FAF1: variants seen among roughly 807,000 people sequenced by gnomAD.
The protein encoded by FAF1 is FAS-associated factor 1.
Under a neutral mutation model 92.5 loss-of-function variants are expected in FAF1, and 25 were observed. That is an observed-to-expected ratio of 0.27 (90% confidence interval 0.20 to 0.38). FAF1 has a LOEUF of 0.38. FAF1 is among the 10% of genes least tolerant of loss of function. FAF1 has a pLI of 1.00. For synonymous variants in FAF1, 234 were observed against 273.2 expected, an observed-to-expected ratio of 0.86 and a Z score of 1.42; for missense variants, 636 against 793.3, an observed-to-expected ratio of 0.80 and a Z score of 2.38.
intron 15 of FAF1, among the ~76,000 whole-genome samples, chr1:50,508,380 C>T (rs1175418436): frequency 6.6e-6 from 1 of 152,170 alleles, no homozygotes; most frequent in Non-Finnish European, 1.5e-5. Context: ...GTGGTATATC[C>T]ATACAATGGA....
rs1483529149 is a variant in FAF1 at position 50,539,748 on chromosome 1, AAAGT to A, written c.1269-24_1269-21del. 3.8e-6 allele frequency: 6 copies of A among 1,596,762 alleles called. No individual in the cohort carries two copies. Among genetic ancestry groups the A allele is most frequent in the South Asian group, 2.2e-5 (2 of 89,192 alleles). On this transcript the variant is annotated intron_variant, in intron 13 of 18. Coordinates refer to ENST00000396153, the MANE Select transcript of FAF1 (RefSeq NM_007051.3). The stretch of plus-strand genomic sequence containing the variant: ...AGAAATCTAAAAGGAGACAAAATAC[AAAGT>A]AAGTTTTGCTTTGTAGTTTAATAGA...
At position 50,831,711 on chromosome 1, in the gene FAF1, G is replaced by T. The variant is rs138531815; in HGVS notation, c.114+26218C>A. Among the ~76,000 whole-genome samples, 486 of 151,686 alleles carry T rather than the reference G, an allele frequency of 3.2e-3. 4 individuals are homozygous for T. The highest frequency in any genetic ancestry group is 0.011 in the African/African-American group (451 of 41,292). On this transcript the variant is annotated intron_variant, in intron 2 of 18. Transcript: ENST00000396153. ...AAAATGTGAGCCTTACTTGGAAACA[G>T]GATCTTTGCAGATGGAATTAAAGTA...
At chr1:50,597,924 G>A (rs915780932) in intron 8 of FAF1, among the ~76,000 whole-genome samples, 3 of 152,160 alleles carry the variant, frequency 2.0e-5, no homozygotes, top group African/African-American at 7.2e-5. Flanking sequence ...AGTGTAGAAT[G>A]GACTTTTAAA....
chr1:50,914,705 C>T (rs1198047769), intron 1 of FAF1, among the ~76,000 whole-genome samples: 1 of 152,138 alleles, frequency 6.6e-6, no homozygotes, highest in African/African-American at 2.4e-5. Flanking sequence ...TTTCTGATCC[C>T]TCCCACATAA....
Position 50,467,080 on chromosome 1 carries a change from T to C in FAF1, c.1869+8384A>G, listed in dbSNP as rs185028024. 2.5e-3 allele frequency among the ~76,000 whole-genome samples: 374 copies of C among 152,254 alleles called. 1 individual carries two copies. The highest frequency in any genetic ancestry group is 8.7e-3 in the African/African-American group (363 of 41,534). On this transcript the variant is annotated intron_variant, in intron 18 of 18. Transcript: ENST00000396153. The stretch of plus-strand genomic sequence containing the variant: ...GCATGAACTGCAGTATGAGGACTGT[T>C]TGTATGAGAGGCTGAAATATTCTTA...
At chr1:50,719,799 T>C (rs554334094) in intron 6 of FAF1, among the ~76,000 whole-genome samples, 1 of 152,312 alleles carries the variant, frequency 6.6e-6, no homozygotes, top group African/African-American at 2.4e-5. Context: ...CCCGCAGTTC[T>C]TTTTCAAAAT....
chr1:50,780,698 T>G (rs1425682092), intron 4 of FAF1: 1 of 272,384 alleles, frequency 3.7e-6, no homozygotes, highest in Non-Finnish European at 7.4e-6. Context: ...TGCTGCCACC[T>G]ATCATCACAG....
intron 1 of FAF1, among the ~76,000 whole-genome samples, chr1:50,938,715 T>C (rs1249294597): frequency 6.6e-6 from 1 of 152,204 alleles, no homozygotes; most frequent in African/African-American, 2.4e-5. Flanking sequence ...TTGAGGTCTT[T>C]CATTTAAATC....
At chr1:50,846,652 G>T in intron 2 of FAF1, 1 of 539,752 alleles carries the variant, frequency 1.9e-6, no homozygotes, top group East Asian at 4.7e-5. Context: ...ACAGAGGCGG[G>T]TATTTCCTGG....
In FAF1 at chr1:50,588,685, GTGATCCT is replaced by G. The variant is rs556712722; in HGVS notation, c.841-3881_841-3875del. On this transcript the variant is annotated intron_variant, in intron 9 of 18. Transcript: ENST00000396153. ...AAGAGTCTGTGACATTGGCACCTGTGTGATCCTTGACGGCAAAAGTTGTGGGAGGTCT... is the reference window on the plus strand; with the variant it reads ...AAGAGTCTGTGACATTGGCACCTGTGTGACGGCAAAAGTTGTGGGAGGTCT... Among the ~76,000 whole-genome samples, 304 of 152,340 alleles carry G rather than the reference GTGATCCT, an allele frequency of 2.0e-3. 1 individual carries two copies. Among genetic ancestry groups the G allele is most frequent in the African/African-American group, 6.7e-3 (277 of 41,580 alleles).
intron 18 of FAF1, among the ~76,000 whole-genome samples, chr1:50,453,472 C>T (rs1200598836): frequency 6.6e-6 from 1 of 152,134 alleles, no homozygotes; most frequent in East Asian, 1.9e-4. Context: ...ATCCAATTAC[C>T]AAAACAGCAG....
chr1:50,621,385 T>C (rs1268015907), intron 8 of FAF1, among the ~76,000 whole-genome samples: 1 of 144,840 alleles, frequency 6.9e-6, no homozygotes, highest in Non-Finnish European at 1.5e-5. Context: ...CGATCTTTCT[T>C]TTTTTCTTTT....
intron 7 of FAF1, among the ~76,000 whole-genome samples, chr1:50,665,277 GT>G (rs1184377632): frequency 6.6e-6 from 1 of 152,150 alleles, no homozygotes; most frequent in Non-Finnish European, 1.5e-5. Flanking sequence ...GACCTGAAAT[GT>G]TTTGATTTTT....
chr1:50,912,499 G>C (rs1644892909), intron 1 of FAF1, among the ~76,000 whole-genome samples: 1 of 152,188 alleles, frequency 6.6e-6, no homozygotes, highest in African/African-American at 2.4e-5. Context: ...ACTCAGTGCA[G>C]AAGTTTTAGT....
intron 15 of FAF1, among the ~76,000 whole-genome samples, chr1:50,534,958 A>T (rs1480732305): frequency 6.6e-6 from 1 of 152,244 alleles, no homozygotes; most frequent in Non-Finnish European, 1.5e-5. Context: ...CTTCAAAAAT[A>T]TATTCAAATG....
chr1:50,935,477 T>C (rs1645078851), intron 1 of FAF1, among the ~76,000 whole-genome samples: 1 of 148,096 alleles, frequency 6.8e-6, no homozygotes, highest in Non-Finnish European at 1.5e-5. Context: ...ACTCTCTCTT[T>C]TTTTTTTTTT....
chr1:50,759,566 G>C (rs1469233666), intron 4 of FAF1, among the ~76,000 whole-genome samples: 3 of 151,932 alleles, frequency 2.0e-5, no homozygotes, highest in African/African-American at 7.3e-5. Flanking sequence ...GGACATTTGG[G>C]TTGGTTCCAA....
At chr1:50,884,429 G>C (rs1293955293) in intron 1 of FAF1, among the ~76,000 whole-genome samples, 2 of 151,742 alleles carry the variant, frequency 1.3e-5, no homozygotes, top group Non-Finnish European at 2.9e-5. Context: ...TCGCGATGCT[G>C]AGGCAGGAGA....
At chr1:50,584,933 G>T in intron 9 of FAF1, 122 bp from the exon 10 acceptor site, 2 of 882,196 alleles carry the variant, frequency 2.3e-6, no homozygotes, top group Non-Finnish European at 3.3e-6. Context: ...AAACTCATTT[G>T]CTAGAGTAAA....
Sources: allele counts gnomAD v4.1 joint callset (sites outside exome capture counted in the v4.1 genomes callset), GRCh38; gene constraint gnomAD v4.1.1; transcripts MANE v1.5; gene names NCBI Gene and HGNC (gene_info 2026-07-23, HGNC 2026-07-21).